The following DNAJC21 variants were observed in gnomAD, a reference collection of about 807,000 sequenced individuals.
The protein encoded by DNAJC21 is dnaJ homolog subfamily C member 21.
A neutral mutation model predicts 72.4 loss-of-function variants in DNAJC21; 63 were observed. The observed-to-expected ratio is 0.87, with a 90% CI of 0.71 to 1.07. DNAJC21 has a LOEUF of 1.07. Among genes scored for constraint, DNAJC21 ranks in the 50% least tolerant of loss-of-function variants. DNAJC21 has a pLI of 0.00. For synonymous variants in DNAJC21, 203 were observed against 216.7 expected (o/e 0.94, Z 0.56); for missense variants, 634 against 644.8 (o/e 0.98, Z 0.18).
intron 9 of DNAJC21, 53 bp from the exon 10 acceptor site, chr5:34,950,117 C>T (rs1260213975): frequency 1.3e-6 from 2 of 1,517,218 alleles, no homozygotes; most frequent in Non-Finnish European, 1.8e-6. Context: ...ACATAAAAAG[C>T]TAGTAGTAGT....
Position 34,937,484 on chromosome 5 carries a change from G to T in DNAJC21, c.597G>T (p.Lys199Asn), listed in dbSNP as rs899894505. The change falls in exon 5 of 12, where the codon AAG (lysine) becomes AAT (asparagine). Residue 199 changes from lysine to asparagine, a missense_variant. By Grantham distance (94) the Lys-to-Asn change is moderately conservative. Coordinates refer to ENST00000648817, the MANE Select transcript of DNAJC21 (RefSeq NM_001012339.3). ...KKIRDKARKE[K>N]NELVRQLVAF... ...TTCGGGACAAAGCAAGGAAAGAGAAGAATGAGCTTGTCCGTCAGCTGGTAG... is the reference window on the plus strand; with the variant it reads ...TTCGGGACAAAGCAAGGAAAGAGAATAATGAGCTTGTCCGTCAGCTGGTAG... 1.9e-6 allele frequency: 3 copies of T among 1,614,152 alleles called. No individual in the cohort carries two copies. In the African/African-American group the frequency reaches 4.0e-5, roughly 22 times the overall value.
Position 34,935,790 on chromosome 5 carries a change from A to G in DNAJC21, c.272A>G (p.Tyr91Cys), listed in dbSNP as rs1378396864. Reference protein sequence around the residue: ...YQDDSLDLLRYFTVTCYSGYG... With the variant: ...YQDDSLDLLRCFTVTCYSGYG... ...GATGACAGCTTAGATTTGCTACGCT[A>G]TTTCACCGTTACCTGTTATTCTGGT... The change falls in exon 3 of 12, where the codon TAT becomes TGT. Residue 91 changes from tyrosine (Y) to cysteine (C), a missense_variant. Tyr to Cys is a radical substitution (Grantham distance 194, BLOSUM62 -2). Transcript: ENST00000648817. 2.5e-6 allele frequency: 4 copies of G among 1,614,030 alleles called. No homozygotes were observed. Among genetic ancestry groups the G allele is most frequent in the Non-Finnish European group, 3.4e-6 (4 of 1,179,948 alleles).
At chr5:34,935,110 C>G (rs1232802830) in intron 2 of DNAJC21, among the ~76,000 whole-genome samples, 2 of 152,190 alleles carry the variant, frequency 1.3e-5, no homozygotes, top group Non-Finnish European at 2.9e-5. Flanking sequence ...TGGCTAGGAG[C>G]TGGTCTTCCC....
At chr5:34,950,102 A>C in intron 9 of DNAJC21, 68 bp from the exon 10 acceptor site, 1 of 1,491,684 alleles carries the variant, frequency 6.7e-7, no homozygotes, top group East Asian at 2.3e-5. Flanking sequence ...CTATTTGGCA[A>C]CATAACATAA....
intron 10 of DNAJC21, chr5:34,952,008 C>A (rs1401115049): frequency 1.0e-6 from 1 of 985,426 alleles, no homozygotes. Flanking sequence ...CCAGCACCCT[C>A]CCCACACCAC....
intron 7 of DNAJC21, among the ~76,000 whole-genome samples, chr5:34,943,895 C>T (rs1048837420): frequency 3.9e-5 from 6 of 152,184 alleles, no homozygotes; most frequent in South Asian, 2.1e-4. Context: ...AGTGAGCATT[C>T]CTTCAAACCA....
intron 5 of DNAJC21, among the ~76,000 whole-genome samples, chr5:34,938,584 A>T (rs1432006224): frequency 6.6e-6 from 1 of 152,228 alleles, no homozygotes; most frequent in African/African-American, 2.4e-5. Context: ...CTTTACCTAC[A>T]TGACTTAAAA....
At chr5:34,939,943 C>T (rs1276615913) in intron 6 of DNAJC21, among the ~76,000 whole-genome samples, 1 of 151,980 alleles carries the variant, frequency 6.6e-6, no homozygotes, top group Admixed American at 6.6e-5. Flanking sequence ...GGAAGTGAAG[C>T]GTTTTATTAA....
At chr5:34,933,352 A>G (rs1764662973) in intron 1 of DNAJC21, among the ~76,000 whole-genome samples, 1 of 152,092 alleles carries the variant, frequency 6.6e-6, no homozygotes, top group South Asian at 2.1e-4. Flanking sequence ...GCTCACTACA[A>G]CCTCTGCTTC....
chr5:34,951,386 A>G, intron 10 of DNAJC21: 3 of 985,448 alleles, frequency 3.0e-6, no homozygotes, highest in South Asian at 4.7e-5. Context: ...CATCTGCCTG[A>G]CAACTTGAAG....
chr5:34,940,285 A>G (rs1471559480), intron 6 of DNAJC21, among the ~76,000 whole-genome samples: 1 of 152,240 alleles, frequency 6.6e-6, no homozygotes, highest in Non-Finnish European at 1.5e-5. Context: ...AAAGTCTACA[A>G]TACCATAATG....
At position 34,929,729 on chromosome 5, in the gene DNAJC21, C is replaced by T; in HGVS notation, c.-91C>T. 3.7e-6 allele frequency: 2 copies of T among 537,744 alleles called. No individual in the cohort carries two copies. The highest frequency in any genetic ancestry group is 9.5e-4 in the Middle Eastern group (1 of 1,056). The allele number at this position is 537,744 out of a possible 1,614,324, so 33.3% of individuals were successfully genotyped here. A position where few individuals can be genotyped will look rare whatever the true frequency, so the allele number is the denominator to read the frequency against. Reference sequence around the variant, plus strand: ...GGCGGCGGACTCCCGCCGGAGAGGACTGCCAGCGCCGCCGCCGCCGCCGCT... The same window carrying T: ...GGCGGCGGACTCCCGCCGGAGAGGATTGCCAGCGCCGCCGCCGCCGCCGCT... On this transcript the variant is annotated 5_prime_UTR_variant, in exon 1 of 12. Transcript: ENST00000648817.
chr5:34,950,256 C>T lies in DNAJC21; in HGVS notation c.1272C>T (p.Ala424=), dbSNP rs2112094046. 1.2e-6 allele frequency: 2 copies of T among 1,613,536 alleles called. No individual in the cohort carries two copies. Among genetic ancestry groups the T allele is most frequent in the East Asian group, 4.5e-5 (2 of 44,782 alleles). The part of the protein sequence containing the change: ...PEDTNLNQDS[A]KELEDSPQEN... Reference sequence around the variant, plus strand: ...ATACTAACTTAAATCAAGACAGTGCCAAAGAATTGGAAGATAGTCCCCAGG... The same window carrying T: ...ATACTAACTTAAATCAAGACAGTGCTAAAGAATTGGAAGATAGTCCCCAGG... The change falls in exon 10 of 12, where the codon GCC becomes GCT. Residue 424 remains alanine (A), a synonymous_variant. Transcript: ENST00000648817.
In DNAJC21 at chr5:34,939,591, C is replaced by G. The variant is rs187778438; in HGVS notation, c.895+582C>G. Among the ~76,000 whole-genome samples, 233 of 152,326 alleles carry G rather than the reference C, an allele frequency of 1.5e-3. 2 individuals are homozygous for G. The highest frequency in any genetic ancestry group is 1.5e-3 in the Non-Finnish European group (100 of 68,026). On this transcript the variant is annotated intron_variant, in intron 6 of 11. Coordinates refer to ENST00000648817, the MANE Select transcript of DNAJC21 (RefSeq NM_001012339.3). ...AGTGTGACTATTAAAGAAAATTCAA[C>G]TAAGTGATAGGTCAAGTTTTAATAG...
chr5:34,937,213 T>C (rs1330459703), intron 4 of DNAJC21, 113 bp from the exon 5 acceptor site: 2 of 1,055,704 alleles, frequency 1.9e-6, no homozygotes, highest in East Asian at 2.6e-5. Flanking sequence ...TTATTAGAAG[T>C]GTTATATACA....
At chr5:34,939,358 T>C (rs906499235) in intron 6 of DNAJC21, among the ~76,000 whole-genome samples, 10 of 152,078 alleles carry the variant, frequency 6.6e-5, no homozygotes, top group Non-Finnish European at 5.9e-5. Context: ...CTCCGCTTCC[T>C]GGGTTCACGC....
intron 2 of DNAJC21, among the ~76,000 whole-genome samples, chr5:34,935,438 C>T (rs1038184461): frequency 1.4e-4 from 22 of 152,168 alleles, no homozygotes; most frequent in African/African-American, 4.1e-4. Flanking sequence ...GACTCAGAGA[C>T]AGTCATGGAA....
chr5:34,947,047 T>C (rs561413333), intron 9 of DNAJC21, among the ~76,000 whole-genome samples: 1 of 152,192 alleles, frequency 6.6e-6, no homozygotes, highest in East Asian at 1.9e-4. Flanking sequence ...GGAAGGGCAG[T>C]GTGGAGAAAT....
chr5:34,956,587 AT>A lies in DNAJC21; in HGVS notation c.*1875del, dbSNP rs1765544616. ...CCAGAGGACATACTAGTCACATGTTATTATACACTAAAAAATAGGAAGTCAT... is the reference window on the plus strand; with the variant it reads ...CCAGAGGACATACTAGTCACATGTTATATACACTAAAAAATAGGAAGTCAT... On this transcript the variant is annotated 3_prime_UTR_variant, in exon 12 of 12. Transcript: ENST00000648817. 1 of 152,238 alleles carries A rather than the reference AT, an allele frequency of 6.6e-6. No homozygotes were observed. Among genetic ancestry groups the A allele is most frequent in the South Asian group, 2.1e-4 (1 of 4,830 alleles). The allele number at this position is 152,238 out of a possible 1,614,324, so 9.4% of individuals were successfully genotyped here. A position where few individuals can be genotyped will look rare whatever the true frequency, so the allele number is the denominator to read the frequency against.
Sources: gnomAD v4.1 joint callset for allele counts (sites outside exome capture counted in the v4.1 genomes callset) on GRCh38, gnomAD v4.1.1 for gene constraint, MANE v1.5 for transcripts, NCBI Gene and HGNC (gene_info 2026-07-23, HGNC 2026-07-21) for gene names.